The following DENND2B variants were observed in gnomAD, a reference collection of about 807,000 sequenced individuals.
The protein encoded by DENND2B is DENN domain-containing protein 2B.
DENND2B carries 32 observed loss-of-function variants against 116.0 expected under a neutral mutation model. That is an observed-to-expected ratio of 0.28 (90% confidence interval 0.21 to 0.37). DENND2B has a LOEUF of 0.37. Ranked by LOEUF, DENND2B falls within the 10% of genes least tolerant of loss-of-function variation. The pLI is 1.00. For missense variants in DENND2B, 1,276 were observed against 1,477.7 expected, an observed-to-expected ratio of 0.86 and a Z score of 2.24; for synonymous variants, 588 against 583.9, an observed-to-expected ratio of 1.01 and a Z score of -0.10.
At chr11:8,863,513 G>A (rs918975594) in intron 2 of DENND2B, among the ~76,000 whole-genome samples, 2 of 152,154 alleles carry the variant, frequency 1.3e-5, no homozygotes, top group East Asian at 1.9e-4. Flanking sequence ...GATTACAGGC[G>A]TCAGCCACTG....
intron 1 of DENND2B, among the ~76,000 whole-genome samples, chr11:8,885,018 T>C (rs968257633): frequency 6.6e-6 from 1 of 152,236 alleles, no homozygotes; most frequent in African/African-American, 2.4e-5. Flanking sequence ...GGATATTTGC[T>C]CATTCTTCCC....
chr11:8,726,201 A>C lies in DENND2B; in HGVS notation c.1349T>G (p.Phe450Cys), dbSNP rs1592770244. The C allele has an allele frequency of 6.2e-7, 1 of 1,609,130 alleles. No individual in the cohort carries two copies. The highest frequency in any genetic ancestry group is 1.1e-5 in the South Asian group (1 of 90,416). ...GHRKSQSRKS[F>C]EFEDASSLQS... ...GAGACTGGATGCATCCTCAAACTCAAAGGATTTTCTGTGGATAACAAGAGC... is the reference window on the plus strand; with the variant it reads ...GAGACTGGATGCATCCTCAAACTCACAGGATTTTCTGTGGATAACAAGAGC... Residue 450 changes from phenylalanine (F) to cysteine (C), a missense_variant, in exon 4 of 20, where the codon TTT becomes TGT. Around this residue, in one of 2 missense-constraint regions of DENND2B, gnomAD observed 856 missense variants for 846.6 expected, o/e 1.01. Transcript: ENST00000313726.
upstream of DENND2B, among the ~76,000 whole-genome samples, chr11:8,871,824 G>C (rs546996985): frequency 6.6e-6 from 1 of 152,218 alleles, no homozygotes; most frequent in African/African-American, 2.4e-5. Flanking sequence ...TGATTTATTA[G>C]TGGAATTTGA....
Position 8,693,717 on chromosome 11 carries a change from A to T in DENND2B, c.*379T>A. 1 of 205,308 alleles carries T rather than the reference A, an allele frequency of 4.9e-6. No individual in the cohort carries two copies. Among genetic ancestry groups the T allele is most frequent in the Non-Finnish European group, 9.7e-6 (1 of 103,008 alleles). The allele number at this position is 205,308 out of a possible 1,614,324, so 12.7% of individuals were successfully genotyped here. On this transcript the variant is annotated 3_prime_UTR_variant, in exon 20 of 20. Transcript: ENST00000313726. Reference sequence around the variant, plus strand: ...GCCCGGGACTGGCAGCGGGGACCTCAGGCAGGCAGGCAGGCCGAAGGCCTC... The same window carrying T: ...GCCCGGGACTGGCAGCGGGGACCTCTGGCAGGCAGGCAGGCCGAAGGCCTC...
At chr11:8,875,280 G>A (rs1303205978), upstream of DENND2B, among the ~76,000 whole-genome samples, 2 of 145,468 alleles carry the variant, frequency 1.4e-5, no homozygotes, top group South Asian at 2.2e-4. Context: ...CCCAGATCGC[G>A]CCACTGCACT....
chr11:8,707,709 G>C lies in DENND2B; in HGVS notation c.2430+68C>G. On this transcript the variant is annotated intron_variant, in intron 12 of 19. Coordinates refer to ENST00000313726, the MANE Select transcript of DENND2B (RefSeq NM_213618.2). This position sits in a 1 kb window ranked among gnomAD's most constrained non-coding sequence, Gnocchi z 4.8. ...CACAGGTGGTTTTCTCATCTAAGCT[G>C]GCTGCAGATACTCCTGTGGGAGCTG... is the stretch of plus-strand genomic sequence containing the variant. 1 of 1,483,228 alleles carries C rather than the reference G, an allele frequency of 6.7e-7. No individual in the cohort carries two copies. Among genetic ancestry groups the C allele is most frequent in the Non-Finnish European group, 9.2e-7 (1 of 1,086,666 alleles). 91.9% of individuals were successfully genotyped at this position (1,483,228 alleles called of 1,614,324 possible). A position where few individuals can be genotyped will look rare whatever the true frequency, so the allele number is the denominator to read the frequency against.
chr11:8,730,478 C>A lies in DENND2B; in HGVS notation c.812G>T (p.Gly271Val). The change falls in exon 3 of 20, where the codon GGG becomes GTG. Residue 271 changes from glycine (G) to valine (V), a missense_variant. Around this residue, in one of 2 missense-constraint regions of DENND2B, gnomAD observed 856 missense variants for 846.6 expected, o/e 1.01. Coordinates refer to ENST00000313726, the MANE Select transcript of DENND2B (RefSeq NM_213618.2). This position sits in a 1 kb window ranked among gnomAD's most constrained non-coding sequence, Gnocchi z 4.1. ...TGAGCTCTCCTTCCTGCTGCCATGC[C>A]CCCTGAGGAAGGCGCTGGGCTCACT... Reference protein sequence around the residue: ...GRSEPSAFLRGHGSRKESSAV... With the variant: ...GRSEPSAFLRVHGSRKESSAV... The A allele has an allele frequency of 6.2e-7, 1 of 1,612,094 alleles. No individual in the cohort carries two copies. The highest frequency in any genetic ancestry group is 8.5e-7 in the Non-Finnish European group (1 of 1,180,022).
At position 8,845,934 on chromosome 11, in the gene DENND2B, G is replaced by C. The variant is rs144792332; in HGVS notation, c.-155-6584C>G. ...GATTAAATAAATTACAGAGTGTCTA[G>C]AAACCAAAAATACACGGTTTCTCTT... On this transcript the variant is annotated intron_variant, in intron 3 of 6. Transcript: ENST00000524757. Among the ~76,000 whole-genome samples, 187 of 152,236 alleles carry C rather than the reference G, an allele frequency of 1.2e-3. 1 individual carries two copies. Among genetic ancestry groups the C allele is most frequent in the African/African-American group, 4.2e-3 (176 of 41,556 alleles).
intron 4 of DENND2B, among the ~76,000 whole-genome samples, chr11:8,816,854 T>A (rs934781740): frequency 6.6e-6 from 1 of 152,154 alleles, no homozygotes; most frequent in Non-Finnish European, 1.5e-5. Context: ...TGTTCAAGCA[T>A]CCTTCGGCTT....
chr11:8,893,702 A>G (rs188677204), intron 1 of DENND2B, among the ~76,000 whole-genome samples: 3,150 of 152,294 alleles, frequency 0.021, 44 homozygotes, highest in Middle Eastern at 0.034. Flanking sequence ...GATGTGAAGG[A>G]CCTCTTCAAG....
chr11:8,820,130 G>A (rs555150240), intron 4 of DENND2B, among the ~76,000 whole-genome samples: 168 of 152,224 alleles, frequency 1.1e-3, no homozygotes, highest in African/African-American at 3.7e-3. Flanking sequence ...AAGAAAAGTC[G>A]CCCCCAGAAT....
intron 4 of DENND2B, among the ~76,000 whole-genome samples, chr11:8,818,587 C>G (rs1711828114): frequency 6.6e-6 from 1 of 152,106 alleles, no homozygotes; most frequent in African/African-American, 2.4e-5. Flanking sequence ...GACTGATTCT[C>G]TAGCCCTACC....
chr11:8,847,970 A>T (rs2134636649), intron 3 of DENND2B, among the ~76,000 whole-genome samples: 1 of 152,328 alleles, frequency 6.6e-6, no homozygotes, highest in South Asian at 2.1e-4. Context: ...GCTATCTAAA[A>T]ACAACAGAAG....
chr11:8,718,804 T>C (rs2045593206), intron 4 of DENND2B: 5 of 1,004,430 alleles, frequency 5.0e-6, no homozygotes, highest in African/African-American at 1.7e-5. Context: ...CCCTTGAAGA[T>C]GTTGAGTGGC....
chr11:8,810,965 G>C (rs903187448), upstream of DENND2B: 2 of 241,010 alleles, frequency 8.3e-6, no homozygotes, highest in Admixed American at 5.6e-5. Flanking sequence ...GAACTTGCTT[G>C]AACAGCTCAG....
At chr11:8,761,831 A>AC (rs2054700624) in intron 1 of DENND2B, among the ~76,000 whole-genome samples, 1 of 152,092 alleles carries the variant, frequency 6.6e-6, no homozygotes, top group Non-Finnish European at 1.5e-5. Flanking sequence ...AAATCCTAAT[A>AC]CCTCCGTTTT....
chr11:8,756,335 T>A (rs1377212290), intron 1 of DENND2B, among the ~76,000 whole-genome samples: 1 of 152,174 alleles, frequency 6.6e-6, no homozygotes, highest in African/African-American at 2.4e-5. Flanking sequence ...GAAAGAGAAA[T>A]GTAGTTGACT....
At chr11:8,777,738 C>T (rs981017786) in intron 1 of DENND2B, among the ~76,000 whole-genome samples, 2 of 152,124 alleles carry the variant, frequency 1.3e-5, no homozygotes, top group African/African-American at 4.8e-5. Flanking sequence ...TCTTAGATAC[C>T]AGGGAATATA....
chr11:8,808,445 AG>A (rs2061074189), intron 1 of DENND2B: 1 of 152,258 alleles, frequency 6.6e-6, no homozygotes, highest in Admixed American at 6.5e-5. Context: ...TCCTCCCTGC[AG>A]GATCGTCTAT....
Sources: allele counts gnomAD v4.1 joint callset (sites outside exome capture counted in the v4.1 genomes callset), GRCh38; gene constraint gnomAD v4.1.1; regional missense constraint gnomAD v4.1.1; non-coding constraint Gnocchi (gnomAD v3.1); transcripts MANE v1.5; gene names NCBI Gene and HGNC (gene_info 2026-07-23, HGNC 2026-07-21).